SPAM1: variants seen among roughly 807,000 people sequenced by gnomAD.
The protein encoded by SPAM1 is sperm adhesion molecule 1, also known as hyaluronidase PH-20.
SPAM1 carries 22 observed loss-of-function variants against 29.6 expected under a neutral mutation model. The ratio of observed to expected loss-of-function variants is 0.74; its 90% confidence interval spans 0.53 to 1.06. The LOEUF (loss-of-function observed/expected upper bound fraction) is 1.06. Among genes scored for constraint, SPAM1 ranks in the 50% least tolerant of loss-of-function variants. The pLI, the probability that SPAM1 is intolerant of heterozygous loss-of-function variation, is 0.00. For missense variants in SPAM1, 534 were observed against 604.0 expected (o/e 0.88, Z 1.21); for synonymous variants, 194 against 204.6 (o/e 0.95, Z 0.44).
At chr7:123,959,438 C>A in intron 4 of SPAM1, 46 bp from the exon 5 acceptor site, 1 of 1,366,972 alleles carries the variant, frequency 7.3e-7, no homozygotes, top group Non-Finnish European at 1.0e-6. Context: ...CGCATTTGAA[C>A]TAACTTGTCC....
downstream of SPAM1, chr7:123,960,104 A>C: frequency 7.8e-7 from 1 of 1,279,754 alleles, no homozygotes; most frequent in South Asian, 1.6e-5. Flanking sequence ...ATACCTAGGA[A>C]ATGACGATTT....
intron 2 of SPAM1, among the ~76,000 whole-genome samples, chr7:123,951,797 T>A (rs1174322342): frequency 3.9e-5 from 6 of 152,026 alleles, no homozygotes; most frequent in Non-Finnish European, 1.5e-5. Context: ...AATTTTTGTA[T>A]TTCTAGTGGA....
intron 1 of SPAM1, among the ~76,000 whole-genome samples, chr7:123,936,500 G>A (rs920398987): frequency 1.3e-5 from 2 of 152,178 alleles, no homozygotes; most frequent in Non-Finnish European, 2.9e-5. Flanking sequence ...TAATGTTCAA[G>A]TTGTCATGTA....
chr7:123,959,753 T>G lies in SPAM1; in HGVS notation c.1314T>G (p.Tyr438Ter), dbSNP rs773219199. The change falls in exon 5 of 5, where the codon TAT becomes TAG. Residue 438 changes from tyrosine to a stop codon, truncating the protein, a stop_gained. Coordinates refer to ENST00000682466, the MANE Select transcript of SPAM1 (RefSeq NM_153189.3). LOFTEE classifies it low-confidence loss of function (END_TRUNC). ...CTGAAAAATTTTATTGCAGCTGTTATAGCACCTTGAGTTGTAAGGAGAAAG... is the reference window on the plus strand; with the variant it reads ...CTGAAAAATTTTATTGCAGCTGTTAGAGCACCTTGAGTTGTAAGGAGAAAG... ...QFSEKFYCSC[Y>*]STLSCKEKAD... 2.5e-6 allele frequency: 4 copies of G among 1,613,280 alleles called. No individual in the cohort carries two copies. In the East Asian group the frequency reaches 8.9e-5, roughly 36 times the overall value.
chr7:123,960,101 G>T, downstream of SPAM1: 1 of 1,286,210 alleles, frequency 7.8e-7, no homozygotes, highest in Non-Finnish European at 1.0e-6. Context: ...ACTATACCTA[G>T]GAAATGACGA....
intron 1 of SPAM1, among the ~76,000 whole-genome samples, chr7:123,942,240 T>C (rs1371734800): frequency 6.6e-6 from 1 of 152,176 alleles, no homozygotes; most frequent in Non-Finnish European, 1.5e-5. Flanking sequence ...TGTAGACTGG[T>C]AGTCAGGAAA....
At position 123,937,596 on chromosome 7, in the gene SPAM1, C is replaced by CAAAA. The variant is rs5887154; in HGVS notation, c.-318-12258_-318-12255dup. Among the ~76,000 whole-genome samples, 22 of 85,832 alleles carry CAAAA rather than the reference C, an allele frequency of 2.6e-4. 1 individual carries two copies. The highest frequency in any genetic ancestry group is 8.1e-4 in the Admixed American group (6 of 7,402). 56.3% of individuals were successfully genotyped at this position (85,832 alleles called of 152,430 possible). A position where few individuals can be genotyped will look rare whatever the true frequency, so the allele number is the denominator to read the frequency against. ...AGCCTGGGCAACAGAGACTCCATCTCAAAAAAAAAAAAAAAAAAAAAGACG... is the reference window on the plus strand; with the variant it reads ...AGCCTGGGCAACAGAGACTCCATCTCAAAAAAAAAAAAAAAAAAAAAAAAAGACG... On this transcript the variant is annotated intron_variant, in intron 1 of 4. Coordinates refer to ENST00000682466, the MANE Select transcript of SPAM1 (RefSeq NM_153189.3).
intron 1 of SPAM1, among the ~76,000 whole-genome samples, chr7:123,942,498 A>G (rs1018264374): frequency 6.6e-6 from 1 of 152,224 alleles, no homozygotes; most frequent in South Asian, 2.1e-4. Context: ...TTTTAGTCTT[A>G]TTATACTTGG....
chr7:123,962,289 C>G (rs1792369738), downstream of SPAM1, among the ~76,000 whole-genome samples: 1 of 151,772 alleles, frequency 6.6e-6, no homozygotes, highest in Non-Finnish European at 1.5e-5. Flanking sequence ...GTATTTTTTT[C>G]ATAGACCCCT....
intron 1 of SPAM1, among the ~76,000 whole-genome samples, chr7:123,941,642 G>T (rs992602455): frequency 9.9e-5 from 15 of 152,178 alleles, no homozygotes; most frequent in African/African-American, 3.6e-4. Context: ...CGGGAGGTAT[G>T]TAGCTTTTTA....
At chr7:123,968,074 G>T (rs974080701) in intron 5 of SPAM1, among the ~76,000 whole-genome samples, 3 of 151,978 alleles carry the variant, frequency 2.0e-5, no homozygotes, top group Non-Finnish European at 4.4e-5. Flanking sequence ...GCTTAGCCTA[G>T]GAAGGTTCTT....
chr7:123,943,547 T>C (rs991597309), intron 1 of SPAM1, among the ~76,000 whole-genome samples: 3 of 152,172 alleles, frequency 2.0e-5, no homozygotes, highest in African/African-American at 4.8e-5. Flanking sequence ...TACACATTTA[T>C]GTAAATATAA....
At chr7:123,929,895 A>ATTTTGTTTTTTTTTT (rs1808014392) in intron 1 of SPAM1, among the ~76,000 whole-genome samples, 1 of 119,830 alleles carries the variant, frequency 8.3e-6, no homozygotes, top group Non-Finnish European at 1.7e-5. Flanking sequence ...GTGTTTAGGG[A>ATTTTGTTTTTTTTTT]TTTTTTTTTT....
rs113698779 is a variant in SPAM1, at chr7:123,959,720, G to C, written c.1281G>C (p.Glu427Asp). Residue 427 changes from glutamate (E) to aspartate (D), a missense_variant, in exon 5 of 5, where the codon GAG (glutamate) becomes GAC (aspartate). Glu to Asp is a conservative substitution (Grantham distance 45). Transcript: ENST00000682466. ...VRGKPTLEDL[E>D]QFSEKFYCSC... is the part of the protein sequence containing the mutation. ...GAAAACCGACACTTGAAGACCTGGAGCAATTTTCTGAAAAATTTTATTGCA... is the reference window on the plus strand; with the variant it reads ...GAAAACCGACACTTGAAGACCTGGACCAATTTTCTGAAAAATTTTATTGCA... 6.2e-7 allele frequency: 1 copy of C among 1,613,314 alleles called. No homozygotes were observed. The highest frequency in any genetic ancestry group is 1.1e-5 in the South Asian group (1 of 91,064).
Position 123,954,985 on chromosome 7 carries a change from C to T in SPAM1, c.955-12C>T, listed in dbSNP as rs1197688654. 6 of 1,598,602 alleles carry T rather than the reference C, an allele frequency of 3.8e-6. No homozygotes were observed. The highest frequency in any genetic ancestry group is 2.7e-5 in the African/African-American group (2 of 74,456). On this transcript the variant is annotated splice_polypyrimidine_tract_variant and intron_variant, in intron 3 of 4. Transcript: ENST00000682466. ...ATTTTTATCTGCTAACTCTTTCTGT[C>T]ACATTTTCCAGGATGAACTTGTGTA...
downstream of SPAM1, among the ~76,000 whole-genome samples, chr7:123,962,939 C>T (rs1792380308): frequency 6.6e-6 from 1 of 151,704 alleles, no homozygotes; most frequent in South Asian, 2.1e-4. Context: ...GGTGTTTGTC[C>T]ATATCAGTAC....
intron 1 of SPAM1, among the ~76,000 whole-genome samples, chr7:123,933,397 T>C (rs975247038): frequency 2.6e-4 from 39 of 152,144 alleles, no homozygotes; most frequent in African/African-American, 8.9e-4. Flanking sequence ...ATTGAAGCCT[T>C]CATAGACAAA....
intron 1 of SPAM1, among the ~76,000 whole-genome samples, chr7:123,929,394 T>C (rs1807996134): frequency 6.6e-6 from 1 of 152,058 alleles, no homozygotes; most frequent in East Asian, 1.9e-4. Flanking sequence ...AGGTAGTTGT[T>C]CCTAGGGGGT....
At chr7:123,927,233 C>T (rs191809811) in intron 1 of SPAM1, among the ~76,000 whole-genome samples, 62 of 152,160 alleles carry the variant, frequency 4.1e-4, no homozygotes, top group African/African-American at 1.3e-3. Flanking sequence ...TCCTCATATC[C>T]AAGAGGCAAG....
Sources: gnomAD v4.1 joint callset for allele counts (sites outside exome capture counted in the v4.1 genomes callset) on GRCh38, gnomAD v4.1.1 for gene constraint, MANE v1.5 for transcripts, NCBI Gene and HGNC (gene_info 2026-07-23, HGNC 2026-07-21) for gene names.